Variants in ARSG observed in about 807,000 individuals in gnomAD.
ARSG encodes the protein arylsulfatase G, also known as ASG.
Under a neutral mutation model 50.5 loss-of-function variants are expected in ARSG, and 37 were observed. That is an observed-to-expected ratio of 0.73 (90% confidence interval 0.56 to 0.96). ARSG has a LOEUF of 0.96. ARSG is among the 50% of genes least tolerant of loss of function. ARSG has a pLI of 0.00. For missense variants in ARSG, 629 were observed against 675.3 expected (o/e 0.93, Z 0.76); for synonymous variants, 225 against 254.6 (o/e 0.88, Z 1.11).
At chr17:68,370,071 G>A (rs2079752392) in intron 7 of ARSG, among the ~76,000 whole-genome samples, 1 of 152,176 alleles carries the variant, frequency 6.6e-6, no homozygotes, top group East Asian at 1.9e-4. Flanking sequence ...CTGGAGTGCA[G>A]TGGCAGGATC....
chr17:68,345,663 A>T (rs1484836826), intron 3 of ARSG, among the ~76,000 whole-genome samples: 1 of 152,166 alleles, frequency 6.6e-6, no homozygotes, highest in African/African-American at 2.4e-5. Context: ...TTTGCTTCTA[A>T]TCTTGGTCCA....
At chr17:68,421,725 A>C (rs942638117), downstream of ARSG, 6 of 1,613,714 alleles carry the variant, frequency 3.7e-6, no homozygotes, top group Non-Finnish European at 4.2e-6. Flanking sequence ...GTTTTCTCCA[A>C]AACCACCTGA....
rs184155468 is a variant in ARSG at position 68,351,017 on chromosome 17, C to T, written c.455-558C>T. On this transcript the variant is annotated intron_variant, in intron 4 of 11. Transcript: ENST00000621439. ...TCTTTCAAGGCGCATTTTGAGATTCCTGCCCCATCCCCATCCCACCATCTC... is the reference window on the plus strand; with the variant it reads ...TCTTTCAAGGCGCATTTTGAGATTCTTGCCCCATCCCCATCCCACCATCTC... Among the ~76,000 whole-genome samples, 361 of 152,198 alleles carry T rather than the reference C, an allele frequency of 2.4e-3. 3 individuals carry two copies. The highest frequency in any genetic ancestry group is 0.01 in the Middle Eastern group (3 of 294).
intron 1 of ARSG, among the ~76,000 whole-genome samples, chr17:68,264,169 CATG>C (rs1412578860): frequency 6.6e-6 from 1 of 152,060 alleles, no homozygotes; most frequent in East Asian, 1.9e-4. Context: ...GCTGAAGGAT[CATG>C]ATGATTTCTG....
chr17:68,383,054 G>A (rs897047138), intron 8 of ARSG, among the ~76,000 whole-genome samples: 9 of 152,124 alleles, frequency 5.9e-5, no homozygotes, highest in African/African-American at 1.7e-4. Flanking sequence ...ATAACTAGCT[G>A]GATTCCTCCA....
At chr17:68,443,194 T>C in the ARSG span, among the ~76,000 whole-genome samples, 9 of 152,294 alleles carry the variant, frequency 5.9e-5, no homozygotes, top group African/African-American at 2.2e-4. Flanking sequence ...CACTGAAGCC[T>C]CCGCCTCCTG....
intron 2 of ARSG, among the ~76,000 whole-genome samples, chr17:68,315,994 C>G (rs1010674390): frequency 1.3e-5 from 2 of 152,118 alleles, no homozygotes; most frequent in Non-Finnish European, 2.9e-5. Flanking sequence ...GGAGGCTCAC[C>G]CAGCCAGGGA....
chr17:68,417,656 G>C (rs2082458130), intron 11 of ARSG, among the ~76,000 whole-genome samples: 1 of 146,324 alleles, frequency 6.8e-6, no homozygotes, highest in African/African-American at 2.5e-5. Context: ...CTATTTGCTT[G>C]TCTGTCTCTC....
chr17:68,374,520 G>T (rs988879838), intron 8 of ARSG, among the ~76,000 whole-genome samples: 1 of 152,102 alleles, frequency 6.6e-6, no homozygotes, highest in African/African-American at 2.4e-5. Context: ...TAAGGATGTG[G>T]ACTGGGACCC....
chr17:68,287,953 T>C (rs183208128), upstream of ARSG, among the ~76,000 whole-genome samples: 1 of 146,228 alleles, frequency 6.8e-6, no homozygotes. Flanking sequence ...CTCTCTCTCT[T>C]TCTCTCTCTC....
chr17:68,438,215 A>G, the ARSG span, among the ~76,000 whole-genome samples: 1 of 151,454 alleles, frequency 6.6e-6, no homozygotes, highest in Non-Finnish European at 1.5e-5. Context: ...GAAGTGGCTG[A>G]GCCCCGGAAC....
chr17:68,426,254 G>GGGCCCC, downstream of ARSG: 1 of 816,916 alleles, frequency 1.2e-6, no homozygotes, highest in East Asian at 3.5e-5. Flanking sequence ...GGGAGCGGGG[G>GGGCCCC]CTCAAATAAA....
intron 3 of ARSG, among the ~76,000 whole-genome samples, chr17:68,344,640 G>A (rs1397078711): frequency 6.6e-6 from 1 of 152,230 alleles, no homozygotes; most frequent in Admixed American, 6.5e-5. Context: ...TCCCAGCCTT[G>A]CCCTGAGGCT....
At position 68,356,728 on chromosome 17, in the gene ARSG, G is replaced by A. The variant is rs904003089; in HGVS notation, c.628G>A (p.Val210Met). ...ALPLYENLNI[V>M]EQPVNLSSLA... is the part of the protein sequence containing the mutation. ...CCCTCTTTATGAAAACCTCAACATTGTGGAGCAGCCGGTGAACTTGAGCAG... is the reference window on the plus strand; with the variant it reads ...CCCTCTTTATGAAAACCTCAACATTATGGAGCAGCCGGTGAACTTGAGCAG... The change falls in exon 6 of 12, where the codon GTG (valine) becomes ATG (methionine). Residue 210 changes from valine (V) to methionine (M), a missense_variant. Coordinates refer to ENST00000621439, the MANE Select transcript of ARSG (RefSeq NM_001267727.2). 1.2e-6 allele frequency: 2 copies of A among 1,614,154 alleles called. No individual in the cohort carries two copies. The highest frequency in any genetic ancestry group is 1.7e-6 in the Non-Finnish European group (2 of 1,180,028).
downstream of ARSG, chr17:68,427,506 A>G (rs754643803): frequency 7.1e-4 from 203 of 284,998 alleles, no homozygotes; most frequent in Middle Eastern, 5.6e-3. Context: ...ACAGGCACCC[A>G]CCACAGCGCC....
In ARSG at chr17:68,311,864, G is replaced by A. The variant is rs1363079489; in HGVS notation, c.218+4153G>A. Among the ~76,000 whole-genome samples the A allele has an allele frequency of 4.7e-5, 7 of 148,404 alleles. No individual in the cohort carries two copies. In the East Asian group the frequency reaches 5.9e-4, roughly 13 times the overall value. On this transcript the variant is annotated intron_variant, in intron 2 of 11. Coordinates refer to ENST00000621439, the MANE Select transcript of ARSG (RefSeq NM_001267727.2). ...CGCCCAGGTTGGAGTGCAGTAGTGC[G>A]ATCTTGGCTCACTGCAACCTCCACC...
chr17:68,292,966 G>A (rs1217610242), intron 1 of ARSG, among the ~76,000 whole-genome samples: 1 of 152,150 alleles, frequency 6.6e-6, no homozygotes, highest in Non-Finnish European at 1.5e-5. Flanking sequence ...TTTAATTTAT[G>A]GTACTTGTAA....
At chr17:68,447,825 T>C in the ARSG span, among the ~76,000 whole-genome samples, 2 of 151,854 alleles carry the variant, frequency 1.3e-5, no homozygotes, top group Non-Finnish European at 2.9e-5. Flanking sequence ...ACCCCATCTC[T>C]ACTAAAAATA....
chr17:68,324,431 T>A (rs536068338), intron 2 of ARSG, among the ~76,000 whole-genome samples: 1 of 152,288 alleles, frequency 6.6e-6, no homozygotes, highest in East Asian at 1.9e-4. Context: ...TGTAACACGA[T>A]GACCTAGTTA....
Sources: allele counts gnomAD v4.1 joint callset (sites outside exome capture counted in the v4.1 genomes callset), GRCh38; gene constraint gnomAD v4.1.1; transcripts MANE v1.5; gene names NCBI Gene and HGNC (gene_info 2026-07-23, HGNC 2026-07-21).